BICC1: variants seen among roughly 807,000 people sequenced by gnomAD.
BICC1 encodes the protein BicC family RNA binding protein 1, also known as protein bicaudal C homolog 1.
BICC1 carries 43 observed loss-of-function variants against 111.0 expected under a neutral mutation model. The observed-to-expected ratio is 0.39, with a 90% CI of 0.30 to 0.50. The LOEUF is 0.50. Among genes scored for constraint, BICC1 ranks in the 20% least tolerant of loss-of-function variants. The pLI, the probability that BICC1 is intolerant of heterozygous loss-of-function variation, is 0.88. For synonymous variants in BICC1, 467 were observed against 434.4 expected (o/e 1.07, Z -0.93); for missense variants, 1,091 against 1,203.2 (o/e 0.91, Z 1.38).
chr10:58,558,541 G>A (rs1207901051), intron 1 of BICC1, among the ~76,000 whole-genome samples: 1 of 152,024 alleles, frequency 6.6e-6, no homozygotes, highest in African/African-American at 2.4e-5. Context: ...TTAAATTTAT[G>A]TTTTCCATTT....
At chr10:58,628,485 TA>T (rs1353074336) in intron 2 of BICC1, among the ~76,000 whole-genome samples, 1 of 152,172 alleles carries the variant, frequency 6.6e-6, no homozygotes, top group Non-Finnish European at 1.5e-5. Flanking sequence ...TTCAGAGGTG[TA>T]AAATTTTTTT....
At chr10:58,820,794 A>G in intron 20 of BICC1, among the ~76,000 whole-genome samples, 1 of 152,162 alleles carries the variant, frequency 6.6e-6, no homozygotes, top group Non-Finnish European at 1.5e-5. Flanking sequence ...TTAAACAGTA[A>G]TCATTACATT....
At chr10:58,714,216 C>G (rs917718007) in intron 3 of BICC1, among the ~76,000 whole-genome samples, 2 of 152,240 alleles carry the variant, frequency 1.3e-5, no homozygotes, top group African/African-American at 4.8e-5. Flanking sequence ...CTTCATAGCA[C>G]TGGATTCCCG....
intron 3 of BICC1, among the ~76,000 whole-genome samples, chr10:58,758,405 T>C (rs1842206344): frequency 6.6e-6 from 1 of 152,220 alleles, no homozygotes; most frequent in South Asian, 2.1e-4. Context: ...AAATGGAACT[T>C]GTGATGTATC....
intron 1 of BICC1, among the ~76,000 whole-genome samples, chr10:58,515,685 T>C (rs532478346): frequency 6.6e-6 from 1 of 152,282 alleles, no homozygotes; most frequent in South Asian, 2.1e-4. Context: ...CAAAACTCTG[T>C]AGGATCTCAG....
At chr10:58,637,123 A>T (rs1837976066) in intron 2 of BICC1, among the ~76,000 whole-genome samples, 1 of 151,964 alleles carries the variant, frequency 6.6e-6, no homozygotes, top group Admixed American at 6.6e-5. Flanking sequence ...TATGGGGAAA[A>T]ATTCCATTTG....
intron 4 of BICC1, among the ~76,000 whole-genome samples, chr10:58,786,490 T>G (rs1843014597): frequency 6.6e-6 from 1 of 152,186 alleles, no homozygotes; most frequent in African/African-American, 2.4e-5. Context: ...TGAGCTTTAT[T>G]ATTTCTAATT....
intron 4 of BICC1, among the ~76,000 whole-genome samples, chr10:58,785,997 AG>A (rs1423974814): frequency 6.6e-6 from 1 of 152,126 alleles, no homozygotes; most frequent in Admixed American, 6.6e-5. Flanking sequence ...TCTTCAGGAA[AG>A]GGGGATTTTT....
At chr10:58,529,874 A>T (rs1292776085) in intron 1 of BICC1, among the ~76,000 whole-genome samples, 1 of 151,914 alleles carries the variant, frequency 6.6e-6, no homozygotes, top group Non-Finnish European at 1.5e-5. Flanking sequence ...AAGTCTAAAA[A>T]CTGGGCTTTA....
intron 1 of BICC1, among the ~76,000 whole-genome samples, chr10:58,522,790 A>G (rs1346421748): frequency 6.6e-6 from 1 of 152,092 alleles, no homozygotes; most frequent in African/African-American, 2.4e-5. Flanking sequence ...AGACCAACAA[A>G]ATGGATAGAC....
At chr10:58,519,859 T>C (rs1842343923) in intron 1 of BICC1, among the ~76,000 whole-genome samples, 1 of 152,150 alleles carries the variant, frequency 6.6e-6, no homozygotes, top group South Asian at 2.1e-4. Flanking sequence ...TTTTTTTCCA[T>C]AGAAAATTAC....
intron 17 of BICC1, among the ~76,000 whole-genome samples, chr10:58,809,441 T>C (rs548021685): frequency 6.6e-6 from 1 of 151,396 alleles, no homozygotes; most frequent in Admixed American, 6.6e-5. Flanking sequence ...GGTTTCACCA[T>C]GTCGCCAAGG....
chr10:58,694,301 C>T (rs1021213432), intron 2 of BICC1, among the ~76,000 whole-genome samples: 3 of 152,272 alleles, frequency 2.0e-5, no homozygotes, highest in Non-Finnish European at 2.9e-5. Flanking sequence ...TGACTACTTG[C>T]GTTGCCATCT....
chr10:58,819,425 G>T (rs947280574), intron 19 of BICC1, among the ~76,000 whole-genome samples: 4 of 152,004 alleles, frequency 2.6e-5, no homozygotes, highest in Non-Finnish European at 5.9e-5. Flanking sequence ...TTGAAATTTG[G>T]TCATCTGCTT....
chr10:58,768,265 A>G (rs564039100), intron 3 of BICC1, among the ~76,000 whole-genome samples: 1 of 152,330 alleles, frequency 6.6e-6, no homozygotes, highest in South Asian at 2.1e-4. Flanking sequence ...TTGACTTCTC[A>G]GCAGAAATCC....
At chr10:58,620,925 A>G in intron 2 of BICC1, 24 bp downstream of exon 2, 1 of 1,609,012 alleles carries the variant, frequency 6.2e-7, no homozygotes, top group Non-Finnish European at 8.5e-7. Flanking sequence ...TACTCTTGTC[A>G]TGGTGATAAG....
intron 2 of BICC1, among the ~76,000 whole-genome samples, chr10:58,661,054 C>T (rs1472990278): frequency 1.3e-5 from 2 of 151,930 alleles, no homozygotes; most frequent in Admixed American, 6.6e-5. Context: ...GGATTTTATT[C>T]GAATGTTTTC....
At chr10:58,644,268 G>A (rs563563335) in intron 2 of BICC1, among the ~76,000 whole-genome samples, 5 of 152,280 alleles carry the variant, frequency 3.3e-5, no homozygotes, top group Admixed American at 6.5e-5. Flanking sequence ...GGGAAACCGC[G>A]TGGCTTTATT....
At chr10:58,550,645 T>A (rs1843271797) in intron 1 of BICC1, among the ~76,000 whole-genome samples, 1 of 152,196 alleles carries the variant, frequency 6.6e-6, no homozygotes, top group South Asian at 2.1e-4. Flanking sequence ...TTAATTTTTT[T>A]CTTGGTGTAT....
Sources: gnomAD v4.1 joint callset for allele counts (sites outside exome capture counted in the v4.1 genomes callset) on GRCh38, gnomAD v4.1.1 for gene constraint, MANE v1.5 for transcripts, NCBI Gene and HGNC (gene_info 2026-07-23, HGNC 2026-07-21) for gene names.